The following GPC5 variants were observed in gnomAD, a reference collection of about 807,000 sequenced individuals.
The protein encoded by GPC5 is glypican 5.
Under a neutral mutation model 53.9 loss-of-function variants are expected in GPC5, and 47 were observed. That is an observed-to-expected ratio of 0.87 (90% CI 0.69 to 1.11). The LOEUF (loss-of-function observed/expected upper bound fraction) is 1.11. Among genes scored for constraint, GPC5 ranks in the 50% most tolerant of loss-of-function variants. The pLI is 0.00. For synonymous variants in GPC5, 286 were observed against 263.3 expected (o/e 1.09, Z -0.84); for missense variants, 748 against 713.1 (o/e 1.05, Z -0.56).
intron 6 of GPC5, among the ~76,000 whole-genome samples, chr13:92,073,621 A>G (rs2041230370): frequency 6.6e-6 from 1 of 152,172 alleles, no homozygotes; most frequent in Non-Finnish European, 1.5e-5. Flanking sequence ...TTCATTATTG[A>G]TGGTATACGA....
At chr13:91,989,074 C>T (rs1023965136) in intron 6 of GPC5, among the ~76,000 whole-genome samples, 1 of 149,690 alleles carries the variant, frequency 6.7e-6, no homozygotes, top group Non-Finnish European at 1.5e-5. Context: ...CTGTTTACTC[C>T]TCATTACCCT....
chr13:92,210,525 C>T (rs2042367479), intron 7 of GPC5, among the ~76,000 whole-genome samples: 1 of 152,084 alleles, frequency 6.6e-6, no homozygotes. Context: ...TATCTGTTAT[C>T]TTCAGGCGAA....
At chr13:92,793,905 CA>C (rs1688556624) in intron 7 of GPC5, among the ~76,000 whole-genome samples, 1 of 151,880 alleles carries the variant, frequency 6.6e-6, no homozygotes, top group Admixed American at 6.6e-5. Flanking sequence ...GCCTACCAAC[CA>C]AAAAAAGTCC....
intron 6 of GPC5, 76 bp from the exon 7 acceptor site, chr13:92,144,754 A>T: frequency 1.4e-6 from 2 of 1,413,232 alleles, no homozygotes; most frequent in South Asian, 2.5e-5. Flanking sequence ...AAATAATTCT[A>T]AATAAGTTTT....
At chr13:91,669,882 T>C (rs1230139683) in intron 2 of GPC5, among the ~76,000 whole-genome samples, 1 of 152,222 alleles carries the variant, frequency 6.6e-6, no homozygotes, top group Non-Finnish European at 1.5e-5. Context: ...GAGTCTCACA[T>C]GGACTTTTGC....
intron 5 of GPC5, among the ~76,000 whole-genome samples, chr13:91,763,635 T>C (rs1057339027): frequency 3.9e-5 from 6 of 152,206 alleles, no homozygotes; most frequent in Non-Finnish European, 7.3e-5. Flanking sequence ...TGGCTGATGG[T>C]TTGAAATCAA....
At chr13:92,003,360 A>G (rs930350217) in intron 6 of GPC5, among the ~76,000 whole-genome samples, 4 of 151,528 alleles carry the variant, frequency 2.6e-5, no homozygotes, top group African/African-American at 4.8e-5. Context: ...GAAATGTTTT[A>G]AAAAAGAAAA....
chr13:92,310,905 C>A (rs2043141063), intron 7 of GPC5, among the ~76,000 whole-genome samples: 1 of 152,106 alleles, frequency 6.6e-6, no homozygotes, highest in Non-Finnish European at 1.5e-5. Context: ...AAAGAGACAT[C>A]TAACTGAGTA....
intron 7 of GPC5, among the ~76,000 whole-genome samples, chr13:92,489,035 A>G (rs147708561): frequency 3.3e-5 from 5 of 152,298 alleles, no homozygotes; most frequent in East Asian, 1.9e-4. Flanking sequence ...GTTATTTTCT[A>G]TTTGACTCAA....
intron 2 of GPC5, among the ~76,000 whole-genome samples, chr13:91,454,036 C>A (rs1881370145): frequency 6.6e-6 from 1 of 152,038 alleles, no homozygotes; most frequent in Non-Finnish European, 1.5e-5. Context: ...GGATTGCATT[C>A]TTTTCCTTGT....
At chr13:92,544,972 G>C (rs1020462907) in intron 7 of GPC5, among the ~76,000 whole-genome samples, 7 of 151,788 alleles carry the variant, frequency 4.6e-5, no homozygotes, top group African/African-American at 1.7e-4. Flanking sequence ...ACAACGTGCA[G>C]GTTTGTTACA....
At chr13:92,106,760 C>T (rs7993910) in intron 6 of GPC5, among the ~76,000 whole-genome samples, 73,398 of 151,754 alleles carry the variant, frequency 0.48, 19,003 homozygotes, top group East Asian at 0.79. Context: ...TCTATGGATA[C>T]GCCAAAAATT....
At chr13:92,805,538 G>T (rs1877063458) in intron 7 of GPC5, among the ~76,000 whole-genome samples, 1 of 152,034 alleles carries the variant, frequency 6.6e-6, no homozygotes, top group African/African-American at 2.4e-5. Flanking sequence ...CTGAACTCAA[G>T]CAATCCTTCT....
At chr13:92,335,105 C>G (rs1230748772) in intron 7 of GPC5, among the ~76,000 whole-genome samples, 1 of 152,188 alleles carries the variant, frequency 6.6e-6, no homozygotes, top group Non-Finnish European at 1.5e-5. Flanking sequence ...TTCCCTTCAG[C>G]ACTGCCATAG....
At chr13:91,946,021 T>G (rs765219674) in intron 6 of GPC5, among the ~76,000 whole-genome samples, 1 of 152,090 alleles carries the variant, frequency 6.6e-6, no homozygotes, top group Non-Finnish European at 1.5e-5. Context: ...CTGACTGTGG[T>G]CGGGGGCGGG....
At chr13:91,588,672 TC>T (rs2032687072) in intron 2 of GPC5, among the ~76,000 whole-genome samples, 1 of 152,202 alleles carries the variant, frequency 6.6e-6, no homozygotes, top group Non-Finnish European at 1.5e-5. Flanking sequence ...AAGAGGGACC[TC>T]TTTTCCTTTG....
chr13:92,854,174 C>T (rs1350874862), intron 7 of GPC5, among the ~76,000 whole-genome samples: 1 of 149,608 alleles, frequency 6.7e-6, no homozygotes, highest in African/African-American at 2.4e-5. Context: ...ATCCACTAGT[C>T]ATTACCCCAC....
chr13:91,469,348 A>G (rs927194540), intron 2 of GPC5, among the ~76,000 whole-genome samples: 3 of 152,200 alleles, frequency 2.0e-5, no homozygotes, highest in Admixed American at 6.5e-5. Context: ...GCCTCAAGTG[A>G]TCCACATGCT....
intron 7 of GPC5, among the ~76,000 whole-genome samples, chr13:92,562,873 T>G (rs1476824972): frequency 1.3e-5 from 2 of 152,014 alleles, no homozygotes; most frequent in Admixed American, 6.6e-5. Context: ...GCTTTTTTTG[T>G]GTGAAAACAA....
Sources: allele counts gnomAD v4.1 joint callset (sites outside exome capture counted in the v4.1 genomes callset), GRCh38; gene constraint gnomAD v4.1.1; transcripts MANE v1.5; gene names NCBI Gene and HGNC (gene_info 2026-07-23, HGNC 2026-07-21).